Variants in COL24A1 observed in about 807,000 individuals in gnomAD.
COL24A1 encodes collagen type XXIV alpha 1 chain.
In COL24A1, 224 loss-of-function variants were observed where a neutral mutation model predicts 253.9. That is an observed-to-expected ratio of 0.88 (90% CI 0.79 to 0.99). The LOEUF (loss-of-function observed/expected upper bound fraction) is 0.99, where lower values mean the gene tolerates loss of function less well. COL24A1 is among the 50% of genes least tolerant of loss of function. The pLI, the probability that COL24A1 is intolerant of heterozygous loss-of-function variation, is 0.00. For missense variants in COL24A1, 2,131 were observed against 2,068.5 expected, an observed-to-expected ratio of 1.03 and a Z score of -0.59; for synonymous variants, 685 against 673.7, an observed-to-expected ratio of 1.02 and a Z score of -0.26.
chr1:86,101,161 T>C (rs6670074), intron 5 of COL24A1, among the ~76,000 whole-genome samples: 7,191 of 152,086 alleles, frequency 0.047, 201 homozygotes, highest in Non-Finnish European at 0.062. Context: ...AGAACTGAAT[T>C]GAATTGTTGC....
chr1:86,117,171 T>A (rs546455047), intron 3 of COL24A1, among the ~76,000 whole-genome samples: 1 of 152,348 alleles, frequency 6.6e-6, no homozygotes, highest in Non-Finnish European at 1.5e-5. Context: ...TCCATTCACA[T>A]TGGAAAGGCA....
At chr1:86,041,894 C>G (rs773945197) in intron 12 of COL24A1, among the ~76,000 whole-genome samples, 4 of 152,040 alleles carry the variant, frequency 2.6e-5, no homozygotes, top group Non-Finnish European at 5.9e-5. Flanking sequence ...CTCAAATATC[C>G]ACAGATAGAG....
intron 7 of COL24A1, among the ~76,000 whole-genome samples, chr1:86,077,597 A>G (rs1193011352): frequency 6.6e-6 from 1 of 152,220 alleles, no homozygotes; most frequent in African/African-American, 2.4e-5. Flanking sequence ...GCAAATGCCC[A>G]TCAATGATAG....
chr1:85,737,269 CAATAGAGAATAAT>C, intron 58 of COL24A1, 114 bp downstream of exon 58: 2 of 561,262 alleles, frequency 3.6e-6, no homozygotes, highest in South Asian at 6.3e-5. Flanking sequence ...TTCTCATACA[CAATAGAGAATAAT>C]CTTTGCTTTC....
At chr1:85,736,119 G>A in intron 58 of COL24A1, 1 of 330,224 alleles carries the variant, frequency 3.0e-6, no homozygotes, top group South Asian at 2.5e-5. Context: ...GTTGTTATGA[G>A]GATTAAAAAT....
chr1:86,047,246 T>C (rs547545142), intron 11 of COL24A1, among the ~76,000 whole-genome samples: 1 of 152,282 alleles, frequency 6.6e-6, no homozygotes, highest in East Asian at 1.9e-4. Context: ...CCCCTCTCTA[T>C]CTGGATATAA....
At chr1:85,997,507 G>A (rs575174416) in intron 19 of COL24A1, among the ~76,000 whole-genome samples, 9 of 152,108 alleles carry the variant, frequency 5.9e-5, no homozygotes, top group African/African-American at 9.6e-5. Flanking sequence ...CATGTGGGCC[G>A]GGCGCAGTGA....
chr1:86,071,863 G>A (rs1389444186), intron 7 of COL24A1, among the ~76,000 whole-genome samples: 2 of 152,126 alleles, frequency 1.3e-5, no homozygotes, highest in Admixed American at 6.5e-5. Flanking sequence ...TGGAGGGCAA[G>A]CAGAAGCAGG....
intron 28 of COL24A1, 83 bp downstream of exon 28, chr1:85,907,111 G>T: frequency 9.3e-7 from 1 of 1,073,118 alleles, no homozygotes; most frequent in Non-Finnish European, 1.4e-6. Context: ...TAGAAGGTAT[G>T]ATGCTATTTT....
At chr1:85,916,962 G>A (rs1363481051) in intron 24 of COL24A1, among the ~76,000 whole-genome samples, 1 of 152,144 alleles carries the variant, frequency 6.6e-6, no homozygotes, top group African/African-American at 2.4e-5. Flanking sequence ...GTTCATTGCT[G>A]TATTATTTAA....
chr1:86,026,743 C>A (rs190509949), intron 14 of COL24A1, among the ~76,000 whole-genome samples: 1 of 152,120 alleles, frequency 6.6e-6, no homozygotes, highest in East Asian at 1.9e-4. Flanking sequence ...AATGTGAAAG[C>A]AACTTTGGAA....
In COL24A1 at chr1:85,832,997, C is replaced by T. The variant is rs1675522576; in HGVS notation, c.3681+5588G>A. On this transcript the variant is annotated intron_variant, in intron 43 of 59. Coordinates refer to ENST00000370571, the MANE Select transcript of COL24A1 (RefSeq NM_152890.7). ...GAGTGGTGAGAGAGGGCATCCCTGT[C>T]TTGTGCCAGTTTTCAAAGGGAATGC... 2.0e-5 allele frequency among the ~76,000 whole-genome samples: 3 copies of T among 152,034 alleles called. No individual in the cohort carries two copies. In the South Asian group the frequency reaches 6.2e-4, roughly 32 times the overall value.
rs563853584 is a variant in COL24A1 at position 86,051,082 on chromosome 1, C to T, written c.1852-905G>A. ...TAATCTGTTGATAGGATACAGCATA[C>T]AGCCATGACAGGAAACACTGAATAT... is the stretch of plus-strand genomic sequence containing the variant. On this transcript the variant is annotated intron_variant, in intron 10 of 59. Transcript: ENST00000370571. Among the ~76,000 whole-genome samples the T allele has an allele frequency of 2.0e-5, 3 of 152,202 alleles. No individual in the cohort carries two copies. In the East Asian group the frequency reaches 5.8e-4, roughly 29 times the overall value.
At position 86,011,962 on chromosome 1, in the gene COL24A1, AT is replaced by A. The variant is rs199951537; in HGVS notation, c.2310+5188del. On this transcript the variant is annotated intron_variant, in intron 19 of 59. Coordinates refer to ENST00000370571, the MANE Select transcript of COL24A1 (RefSeq NM_152890.7). ...ATGATTCTGATTCAACATTTTTGAG[AT>A]TGGCCCTGGCAATCTGTGTGTGTTT... Among the ~76,000 whole-genome samples, 373 of 152,160 alleles carry A rather than the reference AT, an allele frequency of 2.5e-3. 9 individuals carry two copies. The East Asian group carries it at 0.046, about 19-fold the overall frequency.
chr1:85,794,491 G>A (rs1670619078), intron 47 of COL24A1, among the ~76,000 whole-genome samples: 1 of 152,172 alleles, frequency 6.6e-6, no homozygotes, highest in Non-Finnish European at 1.5e-5. Context: ...ATTTAACCCA[G>A]TAGAATGAAT....
chr1:85,823,650 T>C (rs897809738), intron 44 of COL24A1, 35 bp downstream of exon 44: 19 of 1,613,102 alleles, frequency 1.2e-5, no homozygotes, highest in Middle Eastern at 1.6e-4. Flanking sequence ...GTTATATTAA[T>C]GTTAATTTTT....
intron 24 of COL24A1, among the ~76,000 whole-genome samples, chr1:85,950,016 G>T (rs1011050745): frequency 6.6e-6 from 1 of 151,894 alleles, no homozygotes; most frequent in Non-Finnish European, 1.5e-5. Context: ...GATGCCTAAG[G>T]CCTTCTTACA....
intron 47 of COL24A1, among the ~76,000 whole-genome samples, chr1:85,811,452 T>TAC (rs368279242): frequency 5.4e-4 from 82 of 152,298 alleles, no homozygotes; most frequent in African/African-American, 1.9e-3. Context: ...CATATATATA[T>TAC]ACCCAGAAGT....
chr1:86,009,810 T>G (rs1272823823), intron 19 of COL24A1, among the ~76,000 whole-genome samples: 1 of 152,216 alleles, frequency 6.6e-6, no homozygotes, highest in Non-Finnish European at 1.5e-5. Flanking sequence ...AGGCATTATA[T>G]GACATCACCA....
Sources: gnomAD v4.1 joint callset for allele counts (sites outside exome capture counted in the v4.1 genomes callset) on GRCh38, gnomAD v4.1.1 for gene constraint, MANE v1.5 for transcripts, NCBI Gene and HGNC (gene_info 2026-07-23, HGNC 2026-07-21) for gene names.